The following KIAA1614 variants were observed in gnomAD, a reference collection of about 807,000 sequenced individuals.
KIAA1614 encodes KIAA1614, also known as uncharacterized protein KIAA1614.
KIAA1614 carries 76 observed loss-of-function variants against 88.7 expected under a neutral mutation model. The ratio of observed to expected loss-of-function variants is 0.86; its 90% CI spans 0.71 to 1.04. KIAA1614 has a LOEUF of 1.04. KIAA1614 is among the 50% of genes least tolerant of loss of function. The pLI is 0.00. For missense variants in KIAA1614, 1,553 were observed against 1,582.5 expected (o/e 0.98, Z 0.32); for synonymous variants, 714 against 675.5 (o/e 1.06, Z -0.88).
At chr1:180,942,710 T>C (rs1654496008) in intron 7 of KIAA1614, among the ~76,000 whole-genome samples, 1 of 152,126 alleles carries the variant, frequency 6.6e-6, no homozygotes, top group Non-Finnish European at 1.5e-5. Context: ...CCCAGATTTA[T>C]TGTCATCAGG....
rs765322492 is a variant in KIAA1614, at chr1:180,935,189, C to T, written c.1280C>T (p.Thr427Met). 6.7e-7 allele frequency: 1 copy of T among 1,483,474 alleles called. No homozygotes were observed. Among genetic ancestry groups the T allele is most frequent in the South Asian group, 1.4e-5 (1 of 71,574 alleles). The allele number at this position is 1,483,474 out of a possible 1,614,324, so 91.9% of individuals were successfully genotyped here. A position where few individuals can be genotyped will look rare whatever the true frequency, so the allele number is the denominator to read the frequency against. ...AGAGACAGCCTCCAGAACGGGCACACGAGCGATTCCTCCAGCGGAGAGTCC... is the reference window on the plus strand; with the variant it reads ...AGAGACAGCCTCCAGAACGGGCACATGAGCGATTCCTCCAGCGGAGAGTCC... ...ACRDSLQNGHTSDSSSGESSG... is the reference protein window; with the variant it reads ...ACRDSLQNGHMSDSSSGESSG... Residue 427 changes from threonine to methionine, a missense_variant, in exon 5 of 9, where the codon ACG (threonine) becomes ATG (methionine). Coordinates refer to ENST00000367588, the MANE Select transcript of KIAA1614 (RefSeq NM_020950.2). This position sits in a 1 kb window ranked among gnomAD's most constrained non-coding sequence, Gnocchi z 6.1.
Position 180,916,769 on chromosome 1 carries a change from G to A in KIAA1614, c.666G>A (p.Gly222=). The A allele has an allele frequency of 6.2e-7, 1 of 1,614,218 alleles. No individual in the cohort carries two copies. The highest frequency in any genetic ancestry group is 8.5e-7 in the Non-Finnish European group (1 of 1,180,036). Residue 222 remains glycine, a synonymous_variant, in exon 2 of 9, where the codon GGG becomes GGA. Coordinates refer to ENST00000367588, the MANE Select transcript of KIAA1614 (RefSeq NM_020950.2). The stretch of plus-strand genomic sequence containing the variant: ...ATGGAGTTACTCCCGGACGGCCTGG[G>A]GGTCCTGGTCATTGTAACAAAATCA... ...PIHGVTPGRP[G]GPGHCNKIIH... is the part of the protein sequence containing the mutation.
intron 4 of KIAA1614, among the ~76,000 whole-genome samples, chr1:180,932,546 C>G (rs1654221688): frequency 2.6e-5 from 4 of 152,148 alleles, no homozygotes; most frequent in Admixed American, 2.6e-4. Flanking sequence ...GGCATAGCGG[C>G]TGTTGTGCCT....
intron 3 of KIAA1614, among the ~76,000 whole-genome samples, chr1:180,921,952 C>T (rs563487127): frequency 6.6e-6 from 1 of 152,318 alleles, no homozygotes; most frequent in African/African-American, 2.4e-5. Flanking sequence ...CTTAGGATCC[C>T]GGTAACCTAG....
intron 4 of KIAA1614, among the ~76,000 whole-genome samples, chr1:180,930,867 G>T (rs1016584790): frequency 6.6e-6 from 1 of 152,238 alleles, no homozygotes. Context: ...GTTACGCTCC[G>T]TCAAATCACC....
intron 8 of KIAA1614, 173 bp downstream of exon 8, chr1:180,944,689 G>C (rs1654548538): frequency 1.5e-6 from 1 of 651,836 alleles, no homozygotes; most frequent in African/African-American, 1.8e-5. Context: ...CAGCACCTCA[G>C]TGCCCTGCAT....
At position 180,916,272 on chromosome 1, in the gene KIAA1614, C is replaced by T. The variant is rs1273385666; in HGVS notation, c.169C>T (p.Gln57Ter). 1 of 1,613,846 alleles carries T rather than the reference C, an allele frequency of 6.2e-7. No individual in the cohort carries two copies. Among genetic ancestry groups the T allele is most frequent in the Admixed American group, 1.7e-5 (1 of 60,018 alleles). Reference sequence around the variant, plus strand: ...CCCCCCAAGACCCTGGCCTTGCCCTCAGGAAAACAGAACATCCAGCCTGAT... The same window carrying T: ...CCCCCCAAGACCCTGGCCTTGCCCTTAGGAAAACAGAACATCCAGCCTGAT... ...GHPPRPWPCP[Q>*]ENRTSSLMAP... The change falls in exon 2 of 9, where the codon CAG (glutamine) becomes TAG (stop). Residue 57 changes from glutamine to a stop codon, truncating the protein, a stop_gained. Transcript: ENST00000367588. LOFTEE classifies it high-confidence loss of function.
At position 180,945,785 on chromosome 1, in the gene KIAA1614, C is replaced by T. The variant is rs2102278646; in HGVS notation, c.*197C>T. 2.2e-6 allele frequency: 3 copies of T among 1,351,902 alleles called. No individual in the cohort carries two copies. The highest frequency in any genetic ancestry group is 2.8e-6 in the Non-Finnish European group (3 of 1,061,494). 83.7% of individuals were successfully genotyped at this position (1,351,902 alleles called of 1,614,324 possible). ...AGTTGGCAGGTTTGACTCCACTGTC[C>T]CCCTGCTGTCTGATGACATCTTGAA... On this transcript the variant is annotated 3_prime_UTR_variant, in exon 9 of 9. Transcript: ENST00000367588.
rs924833914 is a variant in KIAA1614, at chr1:180,950,501, C to T, written c.*4913C>T. On this transcript the variant is annotated 3_prime_UTR_variant, in exon 9 of 9. Transcript: ENST00000367588. Reference sequence around the variant, plus strand: ...GGCCCACTCAGAGAGCTTGTCAATCCGTGTCCTGAGGCAGAGACCTGTCCC... The same window carrying T: ...GGCCCACTCAGAGAGCTTGTCAATCTGTGTCCTGAGGCAGAGACCTGTCCC... 2.7e-6 allele frequency: 3 copies of T among 1,127,846 alleles called. No individual in the cohort carries two copies. Among genetic ancestry groups the T allele is most frequent in the South Asian group, 1.8e-5 (1 of 55,818 alleles). 69.9% of individuals were successfully genotyped at this position (1,127,846 alleles called of 1,614,324 possible). A position where few individuals can be genotyped will look rare whatever the true frequency, so the allele number is the denominator to read the frequency against.
intron 6 of KIAA1614, among the ~76,000 whole-genome samples, chr1:180,940,780 A>C (rs1654441780): frequency 6.7e-6 from 1 of 149,634 alleles, no homozygotes; most frequent in African/African-American, 2.5e-5. Context: ...TGGCGTGATC[A>C]CAGCTCACTG....
At position 180,944,533 on chromosome 1, in the gene KIAA1614, T is replaced by G. The variant is rs199961877; in HGVS notation, c.3287+17T>G. 1.9e-6 allele frequency: 3 copies of G among 1,610,788 alleles called. No homozygotes were observed. The highest frequency in any genetic ancestry group is 1.7e-6 in the Non-Finnish European group (2 of 1,178,202). ...AGCTGGCAGGTATGAGGGGCACACA[T>G]GGTTTGGAGGATAAACTCAGAGAGT... On this transcript the variant is annotated intron_variant, in intron 8 of 8. Coordinates refer to ENST00000367588, the MANE Select transcript of KIAA1614 (RefSeq NM_020950.2).
Position 180,945,355 on chromosome 1 carries a change from C to T in KIAA1614, c.3340C>T (p.Pro1114Ser). ...CCTCAGTGTGGAGGACGTGGGTGCT[C>T]CCAGCCTGGCTCGCACCGTGGGCCG... ...RALSVEDVGA[P>S]SLARTVGRLV... Residue 1114 changes from proline to serine, a missense_variant, in exon 9 of 9, where the codon CCC (proline) becomes TCC (serine). Transcript: ENST00000367588. 1 of 1,596,468 alleles carries T rather than the reference C, an allele frequency of 6.3e-7. No individual in the cohort carries two copies. Among genetic ancestry groups the T allele is most frequent in the Non-Finnish European group, 8.5e-7 (1 of 1,175,208 alleles).
intron 3 of KIAA1614, among the ~76,000 whole-genome samples, chr1:180,925,150 T>G (rs1034531155): frequency 4.6e-5 from 7 of 152,188 alleles, no homozygotes; most frequent in African/African-American, 1.7e-4. Flanking sequence ...GTCCTGTCCA[T>G]GTCCTGCAGA....
At chr1:180,925,756 G>C (rs914318323) in intron 3 of KIAA1614, among the ~76,000 whole-genome samples, 1 of 152,244 alleles carries the variant, frequency 6.6e-6, no homozygotes, top group Non-Finnish European at 1.5e-5. Context: ...GTGGCTGGAG[G>C]GGTGGGGGAA....
Position 180,935,267 on chromosome 1 carries a change from A to G in KIAA1614, c.1358A>G (p.Glu453Gly), listed in dbSNP as rs2102269466. 1 of 1,519,572 alleles carries G rather than the reference A, an allele frequency of 6.6e-7. No homozygotes were observed. The highest frequency in any genetic ancestry group is 8.8e-7 in the Non-Finnish European group (1 of 1,137,040). 94.1% of individuals were successfully genotyped at this position (1,519,572 alleles called of 1,614,324 possible). A position where few individuals can be genotyped will look rare whatever the true frequency, so the allele number is the denominator to read the frequency against. The change falls in exon 5 of 9, where the codon GAG (glutamate) becomes GGG (glycine). Residue 453 changes from glutamate to glycine, a missense_variant. Glu to Gly is a moderately conservative substitution (Grantham distance 98). Coordinates refer to ENST00000367588, the MANE Select transcript of KIAA1614 (RefSeq NM_020950.2). This position sits in a 1 kb window ranked among gnomAD's most constrained non-coding sequence, Gnocchi z 6.1. The stretch of plus-strand genomic sequence containing the variant: ...CCCTCGCCGTCGCACGTGCGCTTTG[A>G]GGATGAGTCCGCCCGCGAAGCCGAG... ...RGPSPSHVRF[E>G]DESAREAEFR...
Position 180,951,595 on chromosome 1 carries a change from C to G in KIAA1614, c.*6007C>G, listed in dbSNP as rs1487197248. On this transcript the variant is annotated 3_prime_UTR_variant, in exon 9 of 9. Coordinates refer to ENST00000367588, the MANE Select transcript of KIAA1614 (RefSeq NM_020950.2). ...GTGTCAGTCTTAACTTACTAAAAAGCAAAGCTAAAGCTTCTCTCACTCTGA... is the reference window on the plus strand; with the variant it reads ...GTGTCAGTCTTAACTTACTAAAAAGGAAAGCTAAAGCTTCTCTCACTCTGA... 1 of 152,312 alleles carries G rather than the reference C, an allele frequency of 6.6e-6. No individual in the cohort carries two copies. Among genetic ancestry groups the G allele is most frequent in the Non-Finnish European group, 1.5e-5 (1 of 68,126 alleles). 9.4% of individuals were successfully genotyped at this position (152,312 alleles called of 1,614,324 possible).
chr1:180,915,239 G>A (rs1236745539), intron 1 of KIAA1614, among the ~76,000 whole-genome samples: 1 of 152,234 alleles, frequency 6.6e-6, no homozygotes, highest in African/African-American at 2.4e-5. Flanking sequence ...TCAACCCCAT[G>A]CTGTGGTCCT....
At chr1:180,941,738 A>G (rs1441774374) in intron 7 of KIAA1614, among the ~76,000 whole-genome samples, 3 of 151,786 alleles carry the variant, frequency 2.0e-5, no homozygotes, top group Non-Finnish European at 2.9e-5. Flanking sequence ...AAATCCGACC[A>G]CGCCACCCCC....
Position 180,936,386 on chromosome 1 carries a change from C to T in KIAA1614, c.2477C>T (p.Ala826Val). 1 of 1,614,216 alleles carries T rather than the reference C, an allele frequency of 6.2e-7. No homozygotes were observed. Residue 826 changes from alanine (A) to valine (V), a missense_variant, in exon 5 of 9, where the codon GCC (alanine) becomes GTC (valine). Transcript: ENST00000367588. ...TTSPVSHRKA[A>V]LAGLLRLGDQ... ...TCGCCAGTGTCTCACAGGAAGGCAG[C>T]CCTGGCTGGACTGCTCAGGCTGGGT...
Sources: allele counts gnomAD v4.1 joint callset (sites outside exome capture counted in the v4.1 genomes callset), GRCh38; gene constraint gnomAD v4.1.1; non-coding constraint Gnocchi (gnomAD v3.1); transcripts MANE v1.5; gene names NCBI Gene and HGNC (gene_info 2026-07-23, HGNC 2026-07-21).